Variants in RRP12 observed in about 807,000 individuals in gnomAD.
The protein encoded by RRP12 is RRP12-like protein.
A neutral mutation model predicts 157.3 loss-of-function variants in RRP12; 78 were observed. That is an observed-to-expected ratio of 0.50 (90% CI 0.41 to 0.60). The LOEUF (loss-of-function observed/expected upper bound fraction) is 0.60. Ranked by LOEUF, RRP12 falls within the 20% of genes least tolerant of loss-of-function variation. The pLI, the probability that RRP12 is intolerant of heterozygous loss-of-function variation, is 0.00. For missense variants in RRP12, 1,521 were observed against 1,679.9 expected (o/e 0.91, Z 1.65); for synonymous variants, 726 against 670.9 (o/e 1.08, Z -1.27).
At chr10:97,364,322 G>A (rs556202032) in intron 29 of RRP12, among the ~76,000 whole-genome samples, 23 of 152,272 alleles carry the variant, frequency 1.5e-4, no homozygotes, top group African/African-American at 4.1e-4. Context: ...TCTGCCCCAT[G>A]CAGTATGTGC....
At chr10:97,362,632 T>C (rs1227407383) in intron 30 of RRP12, among the ~76,000 whole-genome samples, 3 of 152,012 alleles carry the variant, frequency 2.0e-5, no homozygotes, top group South Asian at 2.1e-4. Flanking sequence ...ACAGGAGTGG[T>C]TGCCTGGGCG....
Position 97,366,623 on chromosome 10 carries a change from T to TA in RRP12, c.3216-3dup. 1 of 1,609,584 alleles carries TA rather than the reference T, an allele frequency of 6.2e-7. No individual in the cohort carries two copies. Among genetic ancestry groups the TA allele is most frequent in the Non-Finnish European group, 8.5e-7 (1 of 1,177,218 alleles). ...GAGTCAGCTAAAATCTCCTCAATGC[T>TA]AAGGACAAAAAGCCCCCAGTCAGAG... On this transcript the variant is annotated splice_polypyrimidine_tract_variant and splice_region_variant and intron_variant, in intron 27 of 33. Transcript: ENST00000370992.
intron 30 of RRP12, among the ~76,000 whole-genome samples, chr10:97,362,599 C>T (rs1843873712): frequency 6.6e-6 from 1 of 152,086 alleles, no homozygotes; most frequent in Non-Finnish European, 1.5e-5. Flanking sequence ...AGAGGAAGGA[C>T]TCCCAGTAGG....
intron 29 of RRP12, among the ~76,000 whole-genome samples, chr10:97,364,907 G>T (rs956014315): frequency 3.9e-5 from 6 of 152,152 alleles, no homozygotes; most frequent in African/African-American, 1.4e-4. Flanking sequence ...CCTCAGGAAT[G>T]CCTGGGCACC....
intron 31 of RRP12, 77 bp from the exon 32 acceptor site, chr10:97,359,087 TGA>T: frequency 9.1e-7 from 1 of 1,099,928 alleles, no homozygotes; most frequent in Non-Finnish European, 1.4e-6. Context: ...GCACCCTCTC[TGA>T]GAGAGCTGCA....
At position 97,358,917 on chromosome 10, in the gene RRP12, C is replaced by T. The variant is rs766414079; in HGVS notation, c.3708+26G>A. On this transcript the variant is annotated intron_variant, in intron 32 of 33. Transcript: ENST00000370992. The stretch of plus-strand genomic sequence containing the variant: ...CTGGCACCTGTCCAGTGCCAGGAGA[C>T]CCCATGCCCTACATGCAGCACTTAC... The T allele has an allele frequency of 2.9e-4, 463 of 1,595,572 alleles. 9 individuals carry two copies. In the South Asian group the frequency reaches 4.9e-3, roughly 17 times the overall value.
chr10:97,371,587 C>G (rs1251205597), intron 20 of RRP12: 1 of 185,072 alleles, frequency 5.4e-6, no homozygotes, highest in Non-Finnish European at 1.1e-5. Context: ...TAAACTGTGG[C>G]AATGGGGGCA....
rs1245958860 is a variant in RRP12, at chr10:97,385,904, C to T, written c.1107G>A (p.Gln369=). Residue 369 remains glutamine, a synonymous_variant, in exon 9 of 34, where the codon CAG becomes CAA. Coordinates refer to ENST00000370992, the MANE Select transcript of RRP12 (RefSeq NM_015179.4). Reference sequence around the variant, plus strand: ...CACCAACAGGCCTCACCGTGATGATCTGGGCGTTGAGCTCTGCTGACAGGG... The same window carrying T: ...CACCAACAGGCCTCACCGTGATGATTTGGGCGTTGAGCTCTGCTGACAGGG... ...LSTLSAELNA[Q]IITALYDYVP... The T allele has an allele frequency of 6.2e-7, 1 of 1,603,232 alleles. No homozygotes were observed. The highest frequency in any genetic ancestry group is 1.7e-5 in the Admixed American group (1 of 58,634).
rs376170381 is a variant in RRP12, at chr10:97,388,108, C to A, written c.1017+144G>T. The A allele has an allele frequency of 2.0e-4, 206 of 1,053,122 alleles. 2 individuals carry two copies. The African/African-American group carries it at 2.6e-3, about 13-fold the overall frequency. 65.2% of individuals were successfully genotyped at this position (1,053,122 alleles called of 1,614,324 possible). A position where few individuals can be genotyped will look rare whatever the true frequency, so the allele number is the denominator to read the frequency against. On this transcript the variant is annotated intron_variant, in intron 8 of 33. Transcript: ENST00000370992. ...TATGGCCTGGCCTAGCCAAACACCA[C>A]AGAGTAACGTAGTGCTGTTGGTTTT... is the stretch of plus-strand genomic sequence containing the variant.
At chr10:97,381,880 C>T (rs1395327230) in intron 10 of RRP12, 54 bp from the exon 11 acceptor site, 3 of 1,336,688 alleles carry the variant, frequency 2.2e-6, no homozygotes, top group Non-Finnish European at 3.2e-6. Context: ...GGGACCCGGG[C>T]AACCAGGGCT....
At chr10:97,395,846 G>A (rs12257807) in intron 3 of RRP12, among the ~76,000 whole-genome samples, 11,294 of 126,484 alleles carry the variant, frequency 0.089, 1,406 homozygotes, top group African/African-American at 0.29. Flanking sequence ...GTGAGACTCC[G>A]CCTCAAAAAA....
chr10:97,365,495 G>C (rs1843950566), intron 29 of RRP12, among the ~76,000 whole-genome samples: 2 of 152,066 alleles, frequency 1.3e-5, no homozygotes, highest in South Asian at 2.1e-4. Context: ...GAATGGTCTT[G>C]ATCTCCTGAC....
chr10:97,370,423 A>C, intron 23 of RRP12, 32 bp downstream of exon 23: 5 of 1,497,362 alleles, frequency 3.3e-6, no homozygotes, highest in Non-Finnish European at 4.6e-6. Flanking sequence ...GTCTATGAGC[A>C]GAGTGTCCAC....
At chr10:97,390,284 T>C (rs1844765299) in intron 6 of RRP12, 139 bp downstream of exon 6, 3 of 695,980 alleles carry the variant, frequency 4.3e-6, no homozygotes, top group Non-Finnish European at 7.8e-6. Flanking sequence ...TCTAAATGCA[T>C]GGTGCCTCAG....
chr10:97,386,806 C>T (rs573854925), intron 8 of RRP12, among the ~76,000 whole-genome samples: 174 of 152,204 alleles, frequency 1.1e-3, no homozygotes, highest in African/African-American at 4.0e-3. Context: ...CTGGCTAACA[C>T]GGTGAAACCC....
chr10:97,360,490 C>T (rs1843813660), intron 31 of RRP12, 56 bp downstream of exon 31: 8 of 1,411,838 alleles, frequency 5.7e-6, no homozygotes, highest in South Asian at 1.2e-5. Flanking sequence ...GACTCCCCTC[C>T]CTAATGCAGG....
At chr10:97,361,362 C>G (rs1040288294) in intron 30 of RRP12, among the ~76,000 whole-genome samples, 21 of 152,344 alleles carry the variant, frequency 1.4e-4, no homozygotes, top group African/African-American at 5.0e-4. Flanking sequence ...CCAGGCCAGG[C>G]AGAGGCGTGC....
chr10:97,370,096 C>T (rs1336669105), intron 24 of RRP12, 71 bp downstream of exon 24: 1 of 1,124,162 alleles, frequency 8.9e-7, no homozygotes, highest in Non-Finnish European at 1.3e-6. Context: ...CCAGGAGCCA[C>T]TTTATCCTGA....
intron 32 of RRP12, 114 bp from the exon 33 acceptor site, chr10:97,358,733 A>C: frequency 1.1e-6 from 1 of 902,094 alleles, no homozygotes; most frequent in Admixed American, 1.8e-5. Context: ...GGTGGTGCCA[A>C]AGAGCTCCTG....
Sources: allele counts gnomAD v4.1 joint callset (sites outside exome capture counted in the v4.1 genomes callset), GRCh38; gene constraint gnomAD v4.1.1; transcripts MANE v1.5; gene names NCBI Gene and HGNC (gene_info 2026-07-23, HGNC 2026-07-21).